ATRX: variants seen among roughly 807,000 people sequenced by gnomAD.
The protein encoded by ATRX is ATRX chromatin remodeler.
ATRX carries 12 observed loss-of-function variants against 172.6 expected under a neutral mutation model. The observed-to-expected ratio is 0.07, with a 90% CI of 0.04 to 0.11. The LOEUF (loss-of-function observed/expected upper bound fraction) is 0.11. Among genes scored for constraint, ATRX ranks in the 10% least tolerant of loss-of-function variants. The pLI is 1.00. For synonymous variants in ATRX, 674 were observed against 594.7 expected (o/e 1.13, Z -1.94); for missense variants, 1,368 against 1,767.4 (o/e 0.77, Z 4.05).
intron 22 of ATRX, among the ~76,000 whole-genome samples, chrX:77,607,731 GAAGTAA>G (rs1202349403): frequency 1.6e-4 from 12 of 76,305 alleles, no homozygotes; most frequent in Non-Finnish European, 2.9e-4. Context: ...AAAAAAAAAA[GAAGTAA>G]AAGAACTCTA....
intron 1 of ATRX, among the ~76,000 whole-genome samples, chrX:77,736,654 T>G (rs1194437282): frequency 8.9e-6 from 1 of 112,452 alleles, no homozygotes; most frequent in African/African-American, 3.2e-5. Context: ...GAAGAACAGT[T>G]TGGAGGTTCC....
chrX:77,541,302 G>A (rs564647244), intron 30 of ATRX, among the ~76,000 whole-genome samples: 1 of 112,194 alleles, frequency 8.9e-6, no homozygotes, highest in African/African-American at 3.2e-5. Context: ...CTAATAACAA[G>A]TTCTGAAACT....
At chrX:77,662,145 T>C (rs1160865571) in intron 12 of ATRX, among the ~76,000 whole-genome samples, 1 of 111,745 alleles carries the variant, frequency 8.9e-6, no homozygotes, top group Non-Finnish European at 1.9e-5. Flanking sequence ...CATTATATAA[T>C]TACGTTACAC....
At position 77,786,157 on chromosome X, in the gene ATRX, C is replaced by T; in HGVS notation, c.-156G>A. ...GCTCAAAGGCCGCTACCACTGCCACCGCCGCAGGAGCCGCGGAAACAAAGC... is the reference window on the plus strand; with the variant it reads ...GCTCAAAGGCCGCTACCACTGCCACTGCCGCAGGAGCCGCGGAAACAAAGC... On this transcript the variant is annotated 5_prime_UTR_variant, in exon 1 of 35. Coordinates refer to ENST00000373344, the MANE Select transcript of ATRX (RefSeq NM_000489.6). The T allele has an allele frequency of 1.6e-6, 1 of 610,805 alleles. No homozygotes were observed. Among genetic ancestry groups the T allele is most frequent in the Middle Eastern group, 5.4e-4 (1 of 1,852 alleles). The allele number at this position is 610,805 out of a possible 1,213,427, so 50.3% of individuals were successfully genotyped here.
chrX:77,552,719 G>A (rs924434929), intron 30 of ATRX, among the ~76,000 whole-genome samples: 2 of 111,242 alleles, frequency 1.8e-5, no homozygotes, highest in African/African-American at 3.3e-5. Context: ...AAATAGTCAG[G>A]TGGCTAATTA....
chrX:77,600,297 G>T, intron 23 of ATRX, 137 bp downstream of exon 23: 1 of 742,165 alleles, frequency 1.3e-6, no homozygotes, highest in Non-Finnish European at 2.0e-6. Context: ...ATACATGCAA[G>T]ACATATAGAA....
At chrX:77,729,196 G>A (rs2074191638) in intron 1 of ATRX, among the ~76,000 whole-genome samples, 1 of 104,363 alleles carries the variant, frequency 9.6e-6, no homozygotes, top group Non-Finnish European at 1.9e-5. Flanking sequence ...ATGCATACAA[G>A]TCATACAATA....
At chrX:77,627,993 C>T (rs1330744794) in intron 19 of ATRX, among the ~76,000 whole-genome samples, 1 of 111,597 alleles carries the variant, frequency 9.0e-6, no homozygotes, top group African/African-American at 3.3e-5. Context: ...TTCAAAATAC[C>T]TACACTTATA....
chrX:77,561,792 C>T (rs1223589656), intron 28 of ATRX: 1 of 111,301 alleles, frequency 9.0e-6, no homozygotes, highest in African/African-American at 3.3e-5. Context: ...CTCTCGGCTT[C>T]CAATGGTAAC....
chrX:77,547,104 TCATTTATTAAATGAG>T lies in ATRX; in HGVS notation c.6699+10332_6699+10346del, dbSNP rs2064271926. On this transcript the variant is annotated intron_variant, in intron 30 of 34. Transcript: ENST00000373344. ...AAAGTAAAAAAGCTTACCATTTAAT[TCATTTATTAAATGAG>T]CATTTATTAAATGCAAACCTGGTAT... is the stretch of plus-strand genomic sequence containing the variant. 2.7e-5 allele frequency among the ~76,000 whole-genome samples: 3 copies of T among 111,884 alleles called. 1 individual carries two copies. In the South Asian group the frequency reaches 1.1e-3, roughly 42 times the overall value.
intron 27 of ATRX, among the ~76,000 whole-genome samples, chrX:77,575,402 A>C (rs2065578995): frequency 9.0e-6 from 1 of 110,966 alleles, no homozygotes; most frequent in Admixed American, 9.6e-5. Context: ...CAAGAAAAAA[A>C]GAATTTGAGA....
intron 1 of ATRX, among the ~76,000 whole-genome samples, chrX:77,747,982 T>C (rs147884193): frequency 0.037 from 4,099 of 111,221 alleles, 75 homozygotes; most frequent in East Asian, 0.085. Context: ...TGATTTCACC[T>C]TTGATAAAGA....
chrX:77,553,809 C>T, intron 30 of ATRX, among the ~76,000 whole-genome samples: 1 of 111,800 alleles, frequency 8.9e-6, no homozygotes, highest in Non-Finnish European at 1.9e-5. Context: ...CCTTCCTTGG[C>T]ACCTGCACAG....
At chrX:77,714,915 T>C (rs555823919) in intron 2 of ATRX, among the ~76,000 whole-genome samples, 3 of 111,972 alleles carry the variant, frequency 2.7e-5, no homozygotes, top group African/African-American at 9.7e-5. Context: ...TAAATAACTT[T>C]ATGTTATTTA....
intron 22 of ATRX, among the ~76,000 whole-genome samples, chrX:77,612,078 T>C (rs192843433): frequency 9.0e-6 from 1 of 111,494 alleles, no homozygotes; most frequent in Admixed American, 9.6e-5. Context: ...TTCAGTGTCA[T>C]TTCTCCATGT....
chrX:77,546,419 C>G (rs1557053435), intron 30 of ATRX, among the ~76,000 whole-genome samples: 2 of 110,785 alleles, frequency 1.8e-5, no homozygotes, highest in Non-Finnish European at 3.8e-5. Context: ...GAGTGGTAGA[C>G]CTTGTCAAAA....
intron 19 of ATRX, among the ~76,000 whole-genome samples, chrX:77,628,577 C>T (rs947154885): frequency 2.7e-5 from 3 of 111,743 alleles, no homozygotes; most frequent in Non-Finnish European, 5.6e-5. Flanking sequence ...CTATTAAATC[C>T]CTGACCCAGT....
Position 77,526,102 on chromosome X carries a change from C to T in ATRX, c.6700-2701G>A, listed in dbSNP as rs782356055. On this transcript the variant is annotated intron_variant, in intron 30 of 34. Coordinates refer to ENST00000373344, the MANE Select transcript of ATRX (RefSeq NM_000489.6). ...CCCAAAGAGGCAAAGTAACTTTTTC[C>T]GATTATACAGCTAAGGACTACCTGG... Among the ~76,000 whole-genome samples the T allele has an allele frequency of 2.7e-4, 30 of 111,206 alleles. 1 individual carries two copies. The highest frequency in any genetic ancestry group is 4.5e-4 in the Non-Finnish European group (24 of 52,986).
chrX:77,629,830 C>T (rs782226464), intron 19 of ATRX, among the ~76,000 whole-genome samples: 2 of 111,785 alleles, frequency 1.8e-5, no homozygotes, highest in South Asian at 7.4e-4. Flanking sequence ...TTACGTTCGA[C>T]ATTGTATGGA....
Sources: allele counts gnomAD v4.1 joint callset (sites outside exome capture counted in the v4.1 genomes callset), GRCh38; gene constraint gnomAD v4.1.1; transcripts MANE v1.5; gene names NCBI Gene and HGNC (gene_info 2026-07-23, HGNC 2026-07-21).